Variants in COBL observed in about 807,000 individuals in gnomAD.
COBL encodes protein cordon-bleu.
A neutral mutation model predicts 98.8 loss-of-function variants in COBL; 51 were observed. The ratio of observed to expected loss-of-function variants is 0.52; its 90% CI spans 0.41 to 0.65. COBL has a LOEUF of 0.65. Ranked by LOEUF, COBL falls within the 30% of genes least tolerant of loss-of-function variation. The probability of loss-of-function intolerance (pLI) is 0.00; values close to 1 mark genes in which losing one functional copy is unlikely to be tolerated. For synonymous variants in COBL, 634 were observed against 651.7 expected (o/e 0.97, Z 0.41); for missense variants, 1,617 against 1,617.5 (o/e 1.00, Z 0.01).
chr7:51,218,007 C>T (rs1793258024), intron 2 of COBL, among the ~76,000 whole-genome samples: 1 of 152,184 alleles, frequency 6.6e-6, no homozygotes, highest in African/African-American at 2.4e-5. Context: ...CTGAGCCCTC[C>T]TGCTATGATC....
intron 5 of COBL, chr7:51,156,466 G>T: frequency 1.0e-6 from 1 of 984,894 alleles, no homozygotes; most frequent in Non-Finnish European, 1.2e-6. Context: ...GCATCACCCA[G>T]AATTATTCAG....
At chr7:51,177,585 C>G (rs901652805) in intron 5 of COBL, among the ~76,000 whole-genome samples, 4 of 151,784 alleles carry the variant, frequency 2.6e-5, no homozygotes, top group African/African-American at 9.7e-5. Context: ...ACCAGCCTGG[C>G]TGACATGTGA....
At chr7:51,311,766 A>G (rs1803065772) in intron 1 of COBL, among the ~76,000 whole-genome samples, 1 of 152,212 alleles carries the variant, frequency 6.6e-6, no homozygotes, top group Admixed American at 6.5e-5. Flanking sequence ...GAAAATCATA[A>G]AAGTGTAAAA....
intron 5 of COBL, among the ~76,000 whole-genome samples, chr7:51,140,062 CAA>C (rs1799592391): frequency 6.6e-6 from 1 of 152,064 alleles, no homozygotes; most frequent in Admixed American, 6.6e-5. Context: ...AGGTTGGCAC[CAA>C]AATCCACAGA....
chr7:51,238,231 C>T (rs545886995), intron 1 of COBL, among the ~76,000 whole-genome samples: 11 of 152,202 alleles, frequency 7.2e-5, no homozygotes, highest in South Asian at 2.1e-4. Flanking sequence ...TCCTGAAGCA[C>T]GGAAGCCACA....
intron 1 of COBL, among the ~76,000 whole-genome samples, chr7:51,297,940 A>C (rs1801576529): frequency 6.6e-6 from 1 of 152,182 alleles, no homozygotes; most frequent in Non-Finnish European, 1.5e-5. Context: ...GTATGACCAC[A>C]AATGTTTCAG....
intron 12 of COBL, chr7:51,021,253 G>A (rs1786905278): frequency 6.6e-6 from 1 of 152,174 alleles, no homozygotes; most frequent in Admixed American, 6.5e-5. Flanking sequence ...TGCACGCACT[G>A]GGAGCCCCTG....
At chr7:51,287,268 AAC>A (rs1160803351) in intron 1 of COBL, among the ~76,000 whole-genome samples, 6 of 152,200 alleles carry the variant, frequency 3.9e-5, no homozygotes, top group Non-Finnish European at 7.3e-5. Flanking sequence ...AAAAAATAAA[AAC>A]AATCCCACAG....
intron 2 of COBL, among the ~76,000 whole-genome samples, chr7:51,210,913 G>A (rs988251794): frequency 6.6e-6 from 1 of 152,172 alleles, no homozygotes; most frequent in Non-Finnish European, 1.5e-5. Context: ...AATTCACCCA[G>A]AGAGGCCACC....
chr7:51,196,383 T>G (rs1790598299), intron 2 of COBL, among the ~76,000 whole-genome samples: 1 of 152,202 alleles, frequency 6.6e-6, no homozygotes. Context: ...TTTGATGTGC[T>G]GCTGGATTCA....
At chr7:51,103,156 C>T (rs777473567) in intron 6 of COBL, among the ~76,000 whole-genome samples, 1 of 152,200 alleles carries the variant, frequency 6.6e-6, no homozygotes, top group East Asian at 1.9e-4. Context: ...CAGCCCCTAT[C>T]CCCCATTCAA....
intron 7 of COBL, among the ~76,000 whole-genome samples, chr7:51,073,590 A>T (rs973675333): frequency 1.3e-5 from 2 of 152,146 alleles, no homozygotes; most frequent in Non-Finnish European, 2.9e-5. Flanking sequence ...GATCCAACAG[A>T]TATGATTCTG....
intron 5 of COBL, chr7:51,156,642 G>A (rs1786158616): frequency 1.1e-6 from 1 of 948,738 alleles, no homozygotes; most frequent in Non-Finnish European, 1.3e-6. Context: ...CTAGTCATTT[G>A]TTCAGGCTAT....
chr7:51,234,363 C>T (rs910135759), intron 1 of COBL, among the ~76,000 whole-genome samples: 2 of 152,228 alleles, frequency 1.3e-5, no homozygotes, highest in Non-Finnish European at 2.9e-5. Context: ...CAAGGCCAGA[C>T]CTGGCATCGG....
intron 6 of COBL, among the ~76,000 whole-genome samples, chr7:51,128,077 T>C (rs938862891): frequency 7.2e-5 from 11 of 152,226 alleles, no homozygotes; most frequent in Non-Finnish European, 1.2e-4. Context: ...CCTGGATACA[T>C]AGAAACCCCA....
chr7:51,089,950 C>T lies in COBL; in HGVS notation c.958-4646G>A, dbSNP rs1794660022. ...ATGAGCCATAATTAACTAAATTAGC[C>T]CCTATTGCCTTTAGCTAAATATTAA... is the stretch of plus-strand genomic sequence containing the variant. On this transcript the variant is annotated intron_variant, in intron 6 of 12. Coordinates refer to ENST00000265136, the MANE Select transcript of COBL (RefSeq NM_015198.5). 2.0e-5 allele frequency among the ~76,000 whole-genome samples: 3 copies of T among 152,190 alleles called. No homozygotes were observed. In the South Asian group the frequency reaches 6.2e-4, roughly 32 times the overall value.
At chr7:51,161,098 C>T (rs556378487) in intron 5 of COBL, among the ~76,000 whole-genome samples, 2 of 152,254 alleles carry the variant, frequency 1.3e-5, no homozygotes, top group East Asian at 1.9e-4. Flanking sequence ...GCTCAGCCCT[C>T]GGAACACATT....
chr7:51,215,400 A>G (rs2129082580), intron 2 of COBL, among the ~76,000 whole-genome samples: 1 of 152,336 alleles, frequency 6.6e-6, no homozygotes, highest in South Asian at 2.1e-4. Flanking sequence ...GTTTGGATTA[A>G]GCCCACACAA....
intron 1 of COBL, among the ~76,000 whole-genome samples, chr7:51,270,157 G>A (rs899449391): frequency 6.6e-6 from 1 of 152,178 alleles, no homozygotes; most frequent in Non-Finnish European, 1.5e-5. Flanking sequence ...ACACCTGTCT[G>A]AGCACACAGG....
Sources: allele counts gnomAD v4.1 joint callset (sites outside exome capture counted in the v4.1 genomes callset), GRCh38; gene constraint gnomAD v4.1.1; transcripts MANE v1.5; gene names NCBI Gene and HGNC (gene_info 2026-07-23, HGNC 2026-07-21).